The following NRG3 variants were observed in gnomAD, a reference collection of about 807,000 sequenced individuals.
NRG3 encodes the protein neuregulin 3.
A neutral mutation model predicts 66.9 loss-of-function variants in NRG3; 31 were observed. The ratio of observed to expected loss-of-function variants is 0.46; its 90% confidence interval spans 0.35 to 0.63. NRG3 has a LOEUF of 0.63. Among genes scored for constraint, NRG3 ranks in the 20% least tolerant of loss-of-function variants. The probability of loss-of-function intolerance (pLI) is 0.00; values close to 1 mark genes in which losing one functional copy is unlikely to be tolerated. For synonymous variants in NRG3, 393 were observed against 359.4 expected (o/e 1.09, Z -1.06); for missense variants, 910 against 878.9 (o/e 1.04, Z -0.45).
In NRG3 at chr10:82,714,555, CT is replaced by C. The variant is rs34355591; in HGVS notation, c.954-24018del. On this transcript the variant is annotated intron_variant, in intron 2 of 8. Transcript: ENST00000372141. ...ATCTTCTATAAACTTGTACTTTATG[CT>C]TTTCAGTTTAACTACAATTACCTTT... Among the ~76,000 whole-genome samples, 1,170 of 152,258 alleles carry C rather than the reference CT, an allele frequency of 7.7e-3. 50 individuals are homozygous for C. The highest frequency in any genetic ancestry group is 0.057 in the Admixed American group (867 of 15,300).
At chr10:82,284,484 T>G (rs1426548684) in intron 1 of NRG3, among the ~76,000 whole-genome samples, 1 of 152,152 alleles carries the variant, frequency 6.6e-6, no homozygotes, top group African/African-American at 2.4e-5. Context: ...GGGTGAGGAG[T>G]TTATTAACAA....
chr10:82,797,678 T>C (rs762696748), intron 3 of NRG3, among the ~76,000 whole-genome samples: 27 of 152,132 alleles, frequency 1.8e-4, no homozygotes, highest in Admixed American at 1.6e-3. Context: ...TCAACACCAC[T>C]CTCTACTTGC....
chr10:82,204,683 G>C (rs1160545441), intron 1 of NRG3, among the ~76,000 whole-genome samples: 2 of 152,060 alleles, frequency 1.3e-5, no homozygotes, highest in Non-Finnish European at 2.9e-5. Context: ...ATTCTTCATT[G>C]CTAGGTATAA....
intron 1 of NRG3, among the ~76,000 whole-genome samples, chr10:81,890,727 CTACAGAGTGTCTT>C (rs1842944488): frequency 6.6e-6 from 1 of 152,162 alleles, no homozygotes; most frequent in African/African-American, 2.4e-5. Flanking sequence ...TAATTGCTAG[CTACAGAGTGTCTT>C]TATGTATTGC....
At chr10:82,646,072 C>T (rs2050908703) in intron 2 of NRG3, among the ~76,000 whole-genome samples, 1 of 152,096 alleles carries the variant, frequency 6.6e-6, no homozygotes, top group African/African-American at 2.4e-5. Flanking sequence ...GAGGAAATAA[C>T]AATTTTCCAT....
chr10:82,058,194 T>A (rs953381685), intron 1 of NRG3, among the ~76,000 whole-genome samples: 1 of 152,082 alleles, frequency 6.6e-6, no homozygotes, highest in Non-Finnish European at 1.5e-5. Flanking sequence ...CAGGGCTCTA[T>A]GTATATTAAG....
intron 3 of NRG3, among the ~76,000 whole-genome samples, chr10:82,811,187 G>C (rs890573259): frequency 2.6e-5 from 4 of 152,130 alleles, no homozygotes; most frequent in Non-Finnish European, 5.9e-5. Flanking sequence ...GATATGTATT[G>C]CTTCATATGA....
chr10:82,629,980 G>T (rs1398716062), intron 2 of NRG3, among the ~76,000 whole-genome samples: 1 of 152,044 alleles, frequency 6.6e-6, no homozygotes, highest in Non-Finnish European at 1.5e-5. Context: ...GTATCATTCT[G>T]GGGAACTGAC....
At chr10:82,027,429 G>A (rs1171854903) in intron 1 of NRG3, among the ~76,000 whole-genome samples, 1 of 151,948 alleles carries the variant, frequency 6.6e-6, no homozygotes, top group African/African-American at 2.4e-5. Context: ...CTTCTCCAGG[G>A]AAATAATTTT....
chr10:81,897,891 A>G lies in NRG3; in HGVS notation c.823+21728A>G, dbSNP rs189226662. Among the ~76,000 whole-genome samples the G allele has an allele frequency of 1.9e-3, 289 of 152,266 alleles. 1 individual carries two copies. The highest frequency in any genetic ancestry group is 2.6e-3 in the Non-Finnish European group (176 of 68,014). ...GATGTAGTGCAGTGGGGATGTTACT[A>G]TCTCTAGTTTTTAATCCAGCGTGCA... On this transcript the variant is annotated intron_variant, in intron 1 of 8. Transcript: ENST00000372141.
intron 1 of NRG3, among the ~76,000 whole-genome samples, chr10:82,072,694 T>TC (rs1408284731): frequency 2.1e-4 from 1 of 4,682 alleles, no homozygotes; most frequent in African/African-American, 5.0e-4. Context: ...TATAGATGAC[T>TC]TTTTTTTTGC....
chr10:82,007,011 G>A (rs888129554), intron 1 of NRG3, among the ~76,000 whole-genome samples: 3 of 152,050 alleles, frequency 2.0e-5, no homozygotes, highest in Admixed American at 2.0e-4. Context: ...ATATTTATTT[G>A]TAAGAATTGC....
chr10:82,882,190 A>G (rs1842359850), intron 4 of NRG3, among the ~76,000 whole-genome samples: 1 of 152,180 alleles, frequency 6.6e-6, no homozygotes, highest in Non-Finnish European at 1.5e-5. Flanking sequence ...TTCTTAGTGT[A>G]TAAGGCGCTT....
intron 3 of NRG3, among the ~76,000 whole-genome samples, chr10:82,798,137 C>T (rs2060881139): frequency 6.6e-6 from 1 of 151,952 alleles, no homozygotes. Context: ...CTCTTACTCA[C>T]AGTACCTTGT....
chr10:82,293,922 T>C (rs560900649), intron 1 of NRG3, among the ~76,000 whole-genome samples: 2 of 112,140 alleles, frequency 1.8e-5, no homozygotes, highest in Non-Finnish European at 3.3e-5. Context: ...AGCATATTTT[T>C]GCAATTTTTT....
intron 1 of NRG3, among the ~76,000 whole-genome samples, chr10:82,280,341 G>A (rs572212460): frequency 1.3e-5 from 2 of 151,904 alleles, no homozygotes; most frequent in South Asian, 4.2e-4. Context: ...TTTTTTTGGT[G>A]TGCTGCCAAC....
chr10:82,911,994 CAT>C (rs1845368096), intron 4 of NRG3, among the ~76,000 whole-genome samples: 1 of 151,848 alleles, frequency 6.6e-6, no homozygotes, highest in African/African-American at 2.4e-5. Flanking sequence ...TCCTTTGATT[CAT>C]GTGTTTCTTA....
At chr10:82,563,393 A>G (rs1417208043) in intron 2 of NRG3, among the ~76,000 whole-genome samples, 3 of 152,120 alleles carry the variant, frequency 2.0e-5, no homozygotes, top group East Asian at 1.9e-4. Context: ...GAATGTTATT[A>G]ATTTTGCATC....
At chr10:82,912,999 G>A (rs1845474034) in intron 4 of NRG3, among the ~76,000 whole-genome samples, 1 of 152,152 alleles carries the variant, frequency 6.6e-6, no homozygotes. Flanking sequence ...GCCGAGGCAG[G>A]TGGATCTCAA....
Sources: allele counts gnomAD v4.1 joint callset (sites outside exome capture counted in the v4.1 genomes callset), GRCh38; gene constraint gnomAD v4.1.1; transcripts MANE v1.5; gene names NCBI Gene and HGNC (gene_info 2026-07-23, HGNC 2026-07-21).